NEGR1: variants seen among roughly 807,000 people sequenced by gnomAD.
NEGR1 encodes IgLON family member 4.
A neutral mutation model predicts 40.9 loss-of-function variants in NEGR1; 10 were observed. That is an observed-to-expected ratio of 0.24 (90% CI 0.15 to 0.42). The LOEUF (loss-of-function observed/expected upper bound fraction) is 0.42. Among genes scored for constraint, NEGR1 ranks in the 10% least tolerant of loss-of-function variants. The probability of loss-of-function intolerance (pLI) is 1.00; values close to 1 mark genes in which losing one functional copy is unlikely to be tolerated. For missense variants in NEGR1, 352 were observed against 438.9 expected (o/e 0.80, Z 1.77); for synonymous variants, 185 against 166.8 (o/e 1.11, Z -0.84).
intron 1 of NEGR1, among the ~76,000 whole-genome samples, chr1:72,017,126 A>ATGTGTGTGTGTG (rs143863573): frequency 2.0e-5 from 3 of 146,880 alleles, no homozygotes; most frequent in African/African-American, 7.5e-5. Flanking sequence ...ATACACATAT[A>ATGTGTGTGTGTG]TGTGTGTGTG....
At chr1:72,218,083 GC>G in intron 1 of NEGR1, among the ~76,000 whole-genome samples, 1 of 151,526 alleles carries the variant, frequency 6.6e-6, no homozygotes, top group East Asian at 1.9e-4. Flanking sequence ...TATTACTGCT[GC>G]CAATGTTTCC....
intron 6 of NEGR1, among the ~76,000 whole-genome samples, chr1:71,482,150 G>A (rs975648078): frequency 6.6e-6 from 1 of 151,728 alleles, no homozygotes; most frequent in Admixed American, 6.6e-5. Flanking sequence ...TCCTCATACT[G>A]ATACCTCTCT....
intron 2 of NEGR1, among the ~76,000 whole-genome samples, chr1:71,842,869 G>A (rs1351399121): frequency 1.3e-5 from 2 of 152,114 alleles, no homozygotes; most frequent in Non-Finnish European, 2.9e-5. Flanking sequence ...CAAAGAATCT[G>A]TTTTTCTCCA....
intron 1 of NEGR1, among the ~76,000 whole-genome samples, chr1:71,950,043 C>G (rs1044090411): frequency 1.3e-5 from 2 of 151,888 alleles, no homozygotes; most frequent in Non-Finnish European, 2.9e-5. Flanking sequence ...CTGAGGAAAC[C>G]TTACTCATTT....
chr1:71,728,659 A>G (rs1239909635), intron 3 of NEGR1, among the ~76,000 whole-genome samples: 1 of 152,168 alleles, frequency 6.6e-6, no homozygotes, highest in Non-Finnish European at 1.5e-5. Flanking sequence ...AATTTTCATA[A>G]GCTCTCTGAA....
At chr1:71,574,626 T>TA (rs1345141486) in intron 6 of NEGR1, among the ~76,000 whole-genome samples, 3 of 152,084 alleles carry the variant, frequency 2.0e-5, no homozygotes, top group Non-Finnish European at 4.4e-5. Flanking sequence ...ATTAGTGACT[T>TA]AAAAATAGCA....
intron 1 of NEGR1, among the ~76,000 whole-genome samples, chr1:72,181,574 A>G (rs563554247): frequency 6.6e-6 from 1 of 152,186 alleles, no homozygotes; most frequent in Admixed American, 6.6e-5. Context: ...GCATATACCC[A>G]CCCTACTCCC....
intron 1 of NEGR1, among the ~76,000 whole-genome samples, chr1:72,050,749 T>C (rs777903878): frequency 7.3e-5 from 11 of 151,480 alleles, no homozygotes; most frequent in Non-Finnish European, 1.5e-4. Flanking sequence ...ATTAAGGAAA[T>C]GACTACATGT....
intron 1 of NEGR1, among the ~76,000 whole-genome samples, chr1:72,057,121 G>A (rs903484505): frequency 6.6e-6 from 1 of 151,532 alleles, no homozygotes; most frequent in Admixed American, 6.6e-5. Flanking sequence ...TTCTCCAAGT[G>A]CCTGGCATTA....
intron 6 of NEGR1, among the ~76,000 whole-genome samples, chr1:71,534,542 T>C (rs1293761616): frequency 1.3e-5 from 2 of 151,592 alleles, no homozygotes. Flanking sequence ...AAATGGAAAA[T>C]AATTAATTGC....
chr1:71,918,276 T>C (rs1382674325), intron 2 of NEGR1, among the ~76,000 whole-genome samples: 1 of 98,128 alleles, frequency 1.0e-5, no homozygotes, highest in Non-Finnish European at 2.0e-5. Flanking sequence ...GAACACATCA[T>C]ACTGTCAAAA....
At chr1:71,713,407 A>T (rs1401589173) in intron 3 of NEGR1, among the ~76,000 whole-genome samples, 42 of 152,200 alleles carry the variant, frequency 2.8e-4, no homozygotes, top group Non-Finnish European at 5.9e-5. Flanking sequence ...GTTCTAGGCC[A>T]CTAGGAAATT....
chr1:71,718,312 C>G (rs1654343802), intron 3 of NEGR1, among the ~76,000 whole-genome samples: 1 of 152,068 alleles, frequency 6.6e-6, no homozygotes, highest in Non-Finnish European at 1.5e-5. Context: ...CTGCACCTCT[C>G]CCTGCCCCCA....
chr1:71,568,068 A>G (rs1003942376), intron 6 of NEGR1, among the ~76,000 whole-genome samples: 3 of 152,342 alleles, frequency 2.0e-5, no homozygotes, highest in East Asian at 1.9e-4. Context: ...GATGCAATGT[A>G]TAAGTTCAAA....
chr1:71,701,844 T>C (rs1204654572), intron 3 of NEGR1, among the ~76,000 whole-genome samples: 1 of 152,028 alleles, frequency 6.6e-6, no homozygotes, highest in Non-Finnish European at 1.5e-5. Context: ...ATAATACAAA[T>C]GAAGTTCAGA....
chr1:71,688,997 G>A (rs1447387352), intron 4 of NEGR1, among the ~76,000 whole-genome samples: 2 of 152,070 alleles, frequency 1.3e-5, no homozygotes, highest in Non-Finnish European at 2.9e-5. Flanking sequence ...ACTCACGTCT[G>A]ATTCCAAATC....
At chr1:71,707,089 A>T (rs376023491) in intron 3 of NEGR1, among the ~76,000 whole-genome samples, 1 of 151,910 alleles carries the variant, frequency 6.6e-6, no homozygotes, top group East Asian at 1.9e-4. Context: ...TGCCAATCCA[A>T]GTGGTTTGAT....
chr1:71,980,247 A>C (rs1646342852), intron 1 of NEGR1, among the ~76,000 whole-genome samples: 1 of 152,158 alleles, frequency 6.6e-6, no homozygotes, highest in East Asian at 1.9e-4. Context: ...ACTTTGATAA[A>C]AATAAAAATT....
chr1:71,591,577 C>T (rs1464798028), intron 6 of NEGR1, among the ~76,000 whole-genome samples: 1 of 151,944 alleles, frequency 6.6e-6, no homozygotes, highest in Non-Finnish European at 1.5e-5. Context: ...ATTCACACTG[C>T]TTTATAATAT....
Sources: allele counts gnomAD v4.1 joint callset (sites outside exome capture counted in the v4.1 genomes callset), GRCh38; gene constraint gnomAD v4.1.1; transcripts MANE v1.5; gene names NCBI Gene and HGNC (gene_info 2026-07-23, HGNC 2026-07-21).